Variants in RIMS1 observed in about 807,000 individuals in gnomAD.
RIMS1 encodes regulating synaptic membrane exocytosis protein 1.
Under a neutral mutation model 214.1 loss-of-function variants are expected in RIMS1, and 83 were observed. That is an observed-to-expected ratio of 0.39 (90% CI 0.32 to 0.47). The LOEUF is 0.47. RIMS1 is among the 20% of genes least tolerant of loss of function. The pLI, the probability that RIMS1 is intolerant of heterozygous loss-of-function variation, is 0.99. For missense variants in RIMS1, 2,050 were observed against 2,161.8 expected, an observed-to-expected ratio of 0.95 and a Z score of 1.03; for synonymous variants, 793 against 786.8, an observed-to-expected ratio of 1.01 and a Z score of -0.13.
intron 2 of RIMS1, among the ~76,000 whole-genome samples, chr6:72,059,998 G>T (rs540100012): frequency 6.6e-6 from 1 of 152,048 alleles, no homozygotes; most frequent in African/African-American, 2.4e-5. Flanking sequence ...GAGTGCAATG[G>T]CACGATCTCA....
At chr6:72,091,373 T>C (rs1225075384) in intron 2 of RIMS1, among the ~76,000 whole-genome samples, 1 of 152,312 alleles carries the variant, frequency 6.6e-6, no homozygotes, top group Non-Finnish European at 1.5e-5. Context: ...AAATACCAAA[T>C]AGAAAAATGT....
chr6:71,902,947 T>TTCCA lies in RIMS1; in HGVS notation c.164+15762_164+15765dup, dbSNP rs573054435. 1.3e-4 allele frequency among the ~76,000 whole-genome samples: 20 copies of TTCCA among 152,298 alleles called. No individual in the cohort carries two copies. In the South Asian group the frequency reaches 3.5e-3, roughly 27 times the overall value. ...TATCACTGGTGGCCATTTGGGTTAA[T>TTCCA]TCCATGTCTTTGCTATTGTGAATAA... On this transcript the variant is annotated intron_variant, in intron 1 of 33. Transcript: ENST00000521978.
At chr6:72,079,076 T>C (rs1289223689) in intron 2 of RIMS1, among the ~76,000 whole-genome samples, 1 of 152,124 alleles carries the variant, frequency 6.6e-6, no homozygotes, top group African/African-American at 2.4e-5. Context: ...TATTCCTTCA[T>C]AGAGCCTGCA....
intron 2 of RIMS1, among the ~76,000 whole-genome samples, chr6:72,004,287 G>A (rs1562082026): frequency 6.6e-6 from 1 of 151,858 alleles, no homozygotes; most frequent in Non-Finnish European, 1.5e-5. Flanking sequence ...CATTTGGGTT[G>A]GCTCCAAGTC....
intron 6 of RIMS1, among the ~76,000 whole-genome samples, chr6:72,197,466 A>G (rs2153987588): frequency 1.3e-5 from 2 of 152,268 alleles, no homozygotes; most frequent in South Asian, 4.1e-4. Context: ...ACTTCCTGAA[A>G]TGTCTAACCC....
intron 4 of RIMS1, among the ~76,000 whole-genome samples, chr6:72,108,304 G>A (rs1294950397): frequency 1.3e-5 from 2 of 152,096 alleles, no homozygotes; most frequent in East Asian, 3.9e-4. Flanking sequence ...TGCCCAGGCT[G>A]GTTTGGAACT....
rs534014909 is a variant in RIMS1, at chr6:72,263,018, G to A, written c.3117-1957G>A. On this transcript the variant is annotated intron_variant, in intron 19 of 33. Coordinates refer to ENST00000521978, the MANE Select transcript of RIMS1 (RefSeq NM_014989.7). ...AAAAAGCTACGAAAGTTTATTTTACGACTAATAGAGTAAGGATTCAAAATC... is the reference window on the plus strand; with the variant it reads ...AAAAAGCTACGAAAGTTTATTTTACAACTAATAGAGTAAGGATTCAAAATC... 11 of 760,310 alleles carry A rather than the reference G, an allele frequency of 1.4e-5. No individual in the cohort carries two copies. In the South Asian group the frequency reaches 2.4e-4, roughly 17 times the overall value. 47.1% of individuals were successfully genotyped at this position (760,310 alleles called of 1,614,324 possible).
At chr6:71,954,871 C>CTACACA (rs1554153800) in intron 1 of RIMS1, among the ~76,000 whole-genome samples, 1 of 147,308 alleles carries the variant, frequency 6.8e-6, no homozygotes, top group African/African-American at 2.5e-5. Flanking sequence ...CACACACACT[C>CTACACA]CACACACACA....
At chr6:72,247,983 C>G (rs532221489) in intron 11 of RIMS1, 32 bp from the exon 12 acceptor site, 1 of 1,371,030 alleles carries the variant, frequency 7.3e-7, no homozygotes, top group East Asian at 2.3e-5. Flanking sequence ...CCTACACTTA[C>G]AAATATTACT....
intron 4 of RIMS1, among the ~76,000 whole-genome samples, chr6:72,177,090 A>G (rs371354198): frequency 6.6e-6 from 1 of 152,200 alleles, no homozygotes; most frequent in Non-Finnish European, 1.5e-5. Context: ...TTTACCCTTC[A>G]TCAGTATTAT....
At chr6:71,929,735 T>C (rs922713969) in intron 1 of RIMS1, among the ~76,000 whole-genome samples, 2 of 152,072 alleles carry the variant, frequency 1.3e-5, no homozygotes, top group South Asian at 4.1e-4. Context: ...TTCTAAAAGT[T>C]CAGTTGAGGC....
At chr6:72,054,317 C>T (rs1193915490) in intron 2 of RIMS1, among the ~76,000 whole-genome samples, 1 of 152,142 alleles carries the variant, frequency 6.6e-6, no homozygotes, top group Non-Finnish European at 1.5e-5. Context: ...TTTCTTTATG[C>T]AGTCTATCAT....
intron 6 of RIMS1, among the ~76,000 whole-genome samples, chr6:72,205,463 G>C (rs1296565447): frequency 1.3e-5 from 2 of 152,124 alleles, no homozygotes; most frequent in Admixed American, 1.3e-4. Flanking sequence ...AGTTAGGTTA[G>C]AAATTAGGGA....
At chr6:72,194,216 A>G (rs2050510348) in intron 6 of RIMS1, among the ~76,000 whole-genome samples, 2 of 152,176 alleles carry the variant, frequency 1.3e-5, no homozygotes, top group South Asian at 4.1e-4. Context: ...TACCAATGTC[A>G]TTCTTCACAG....
intron 6 of RIMS1, among the ~76,000 whole-genome samples, chr6:72,220,936 A>T (rs1321030053): frequency 6.6e-6 from 1 of 152,094 alleles, no homozygotes. Context: ...CTGTAATCAG[A>T]GCTATTCAAT....
chr6:72,196,149 G>A (rs901628025), intron 6 of RIMS1, among the ~76,000 whole-genome samples: 1 of 152,072 alleles, frequency 6.6e-6, no homozygotes. Flanking sequence ...TGGGAGCAAA[G>A]AATTCATTTT....
intron 19 of RIMS1, among the ~76,000 whole-genome samples, chr6:72,264,344 C>T (rs2079435975): frequency 6.6e-6 from 1 of 152,146 alleles, no homozygotes; most frequent in Non-Finnish European, 1.5e-5. Flanking sequence ...AATTCAAAAT[C>T]CATATTCTGG....
chr6:72,106,084 C>T (rs2034682652), intron 4 of RIMS1, among the ~76,000 whole-genome samples: 1 of 152,088 alleles, frequency 6.6e-6, no homozygotes, highest in South Asian at 2.1e-4. Flanking sequence ...CTTACTAAGG[C>T]ATTTAACAAA....
intron 22 of RIMS1, among the ~76,000 whole-genome samples, chr6:72,271,562 T>C (rs531682957): frequency 4.6e-4 from 70 of 152,120 alleles, no homozygotes; most frequent in Non-Finnish European, 9.0e-4. Flanking sequence ...CCAAGAGATA[T>C]GCACCATTGA....
Sources: allele counts gnomAD v4.1 joint callset (sites outside exome capture counted in the v4.1 genomes callset), GRCh38; gene constraint gnomAD v4.1.1; transcripts MANE v1.5; gene names NCBI Gene and HGNC (gene_info 2026-07-23, HGNC 2026-07-21).